The following NTRK2 variants were observed in gnomAD, a reference collection of about 807,000 sequenced individuals.
NTRK2 encodes the protein BDNF/NT-3 growth factors receptor.
NTRK2 carries 13 observed loss-of-function variants against 94.5 expected under a neutral mutation model. The ratio of observed to expected loss-of-function variants is 0.14; its 90% CI spans 0.09 to 0.22. The LOEUF is 0.22. NTRK2 is among the 10% of genes least tolerant of loss of function. NTRK2 has a pLI of 1.00. For synonymous variants in NTRK2, 372 were observed against 407.4 expected (o/e 0.91, Z 1.05); for missense variants, 639 against 1,071.2 (o/e 0.60, Z 5.63).
intron 12 of NTRK2, among the ~76,000 whole-genome samples, chr9:84,808,503 A>G (rs947524284): frequency 6.6e-6 from 1 of 152,126 alleles, no homozygotes; most frequent in Non-Finnish European, 1.5e-5. Context: ...TAATACTCAT[A>G]TTGTTTCAGT....
At chr9:84,780,735 C>G (rs576073753) in intron 12 of NTRK2, among the ~76,000 whole-genome samples, 1 of 152,304 alleles carries the variant, frequency 6.6e-6, no homozygotes, top group East Asian at 1.9e-4. Context: ...GCGAATGGTG[C>G]TAGACCTCAC....
At chr9:84,987,379 C>G (rs1828452052) in intron 17 of NTRK2, among the ~76,000 whole-genome samples, 2 of 152,104 alleles carry the variant, frequency 1.3e-5, no homozygotes, top group African/African-American at 4.8e-5. Flanking sequence ...TAGGAAAATG[C>G]AAACAGTATT....
At chr9:84,849,401 G>A (rs181715540) in intron 12 of NTRK2, among the ~76,000 whole-genome samples, 213 of 152,224 alleles carry the variant, frequency 1.4e-3, no homozygotes, top group Middle Eastern at 0.01. Flanking sequence ...GGTGGGTGGG[G>A]GAGTCCAATT....
intron 12 of NTRK2, chr9:84,811,621 G>T (rs200136880): frequency 4.7e-6 from 5 of 1,065,400 alleles, no homozygotes; most frequent in Non-Finnish European, 5.7e-6. Context: ...TTCTAAGAAG[G>T]ATAGTCCCCC....
At chr9:84,832,392 C>G (rs764409910) in intron 12 of NTRK2, among the ~76,000 whole-genome samples, 2 of 152,144 alleles carry the variant, frequency 1.3e-5, no homozygotes, top group African/African-American at 2.4e-5. Context: ...ATTAAAGAAC[C>G]AAGTGCTACA....
chr9:84,729,753 G>A (rs1235299111), intron 9 of NTRK2, among the ~76,000 whole-genome samples: 1 of 152,210 alleles, frequency 6.6e-6, no homozygotes, highest in African/African-American at 2.4e-5. Flanking sequence ...GGCAAAACTT[G>A]ATTCAGAGTG....
At chr9:84,735,237 C>T (rs2063171448) in intron 9 of NTRK2, among the ~76,000 whole-genome samples, 1 of 152,192 alleles carries the variant, frequency 6.6e-6, no homozygotes, top group African/African-American at 2.4e-5. Context: ...TTCATGCTCA[C>T]TGAGACCTTT....
chr9:84,948,693 G>A (rs2132889956), intron 16 of NTRK2, 59 bp downstream of exon 16: 1 of 1,549,648 alleles, frequency 6.5e-7, no homozygotes, highest in Non-Finnish European at 8.9e-7. Flanking sequence ...GTTCAGGAGT[G>A]GAGGGTTCAT....
chr9:84,828,573 G>A lies in NTRK2; in HGVS notation c.1397-32467G>A, dbSNP rs57893815. ...AAAGAGAACTCAGATGGCCTCATTA[G>A]TACAACAACACAACAAAGGTGAAAT... On this transcript the variant is annotated intron_variant, in intron 12 of 18. Coordinates refer to ENST00000277120, the MANE Select transcript of NTRK2 (RefSeq NM_006180.6). Among the ~76,000 whole-genome samples, 1,349 of 152,188 alleles carry A rather than the reference G, an allele frequency of 8.9e-3. 24 individuals carry two copies. The highest frequency in any genetic ancestry group is 0.03 in the African/African-American group (1,261 of 41,524).
intron 14 of NTRK2, among the ~76,000 whole-genome samples, chr9:84,899,589 A>G (rs1216448158): frequency 6.6e-6 from 1 of 152,180 alleles, no homozygotes; most frequent in Non-Finnish European, 1.5e-5. Flanking sequence ...TGAGTAACAT[A>G]TTTAAATATA....
chr9:84,748,605 A>G (rs2064301854), intron 11 of NTRK2, among the ~76,000 whole-genome samples: 1 of 152,218 alleles, frequency 6.6e-6, no homozygotes, highest in African/African-American at 2.4e-5. Context: ...AGCAGGGAAG[A>G]GACTGTACTG....
chr9:84,829,806 C>G (rs994981739), intron 12 of NTRK2, among the ~76,000 whole-genome samples: 7 of 152,104 alleles, frequency 4.6e-5, no homozygotes, highest in African/African-American at 1.7e-4. Flanking sequence ...TGCACTAAAC[C>G]CCATCTTTTT....
Position 85,021,406 on chromosome 9 carries a change from C to T in NTRK2, c.2486C>T (p.Ala829Val), listed in dbSNP as rs1381902898. ...IHTLLQNLAK[A>V]SPVYLDILG ...ACCCTCCTTCAGAACTTGGCCAAGG[C>T]ATCTCCGGTCTACCTGGACATTCTA... Residue 829 changes from alanine (A) to valine (V), a missense_variant, in exon 19 of 19, where the codon GCA becomes GTA. Ala to Val is a moderately conservative substitution (Grantham distance 64). Coordinates refer to ENST00000277120, the MANE Select transcript of NTRK2 (RefSeq NM_006180.6). 2 of 1,614,070 alleles carry T rather than the reference C, an allele frequency of 1.2e-6. No individual in the cohort carries two copies. The highest frequency in any genetic ancestry group is 1.7e-5 in the Admixed American group (1 of 60,016).
At chr9:84,784,343 C>G (rs1490781841) in intron 12 of NTRK2, among the ~76,000 whole-genome samples, 2 of 152,164 alleles carry the variant, frequency 1.3e-5, no homozygotes, top group East Asian at 3.8e-4. Context: ...TGGGAATGTT[C>G]AATATCTTCC....
intron 12 of NTRK2, among the ~76,000 whole-genome samples, chr9:84,798,875 TACTGA>T (rs1388729365): frequency 6.7e-6 from 1 of 149,246 alleles, no homozygotes; most frequent in Non-Finnish European, 1.5e-5. Flanking sequence ...AGCTGATATT[TACTGA>T]ACACCTGCTA....
intron 12 of NTRK2, among the ~76,000 whole-genome samples, chr9:84,760,565 G>A (rs1030335258): frequency 6.6e-6 from 1 of 152,136 alleles, no homozygotes; most frequent in African/African-American, 2.4e-5. Flanking sequence ...CTTCTTTTAA[G>A]CCCTTCAGCC....
At chr9:84,864,770 T>G (rs1200135133) in intron 13 of NTRK2, among the ~76,000 whole-genome samples, 2 of 131,288 alleles carry the variant, frequency 1.5e-5, no homozygotes, top group Non-Finnish European at 3.1e-5. Context: ...AAACTGAGTC[T>G]CACTCTGTCA....
intron 11 of NTRK2, among the ~76,000 whole-genome samples, chr9:84,747,912 G>A (rs2064237055): frequency 6.6e-6 from 1 of 152,160 alleles, no homozygotes; most frequent in African/African-American, 2.4e-5. Flanking sequence ...CCTAAAATCT[G>A]TATGAGAGGT....
rs74862322 is a variant in NTRK2 at position 84,875,232 on chromosome 9, T to C, written c.1633+7801T>C. 1,376 of 1,058,664 alleles carry C rather than the reference T, an allele frequency of 1.3e-3. 31 individuals carry two copies. In the Admixed American group the frequency reaches 0.04, roughly 31 times the overall value. The allele number at this position is 1,058,664 out of a possible 1,614,324, so 65.6% of individuals were successfully genotyped here. A position where few individuals can be genotyped will look rare whatever the true frequency, so the allele number is the denominator to read the frequency against. ...ATGGCTCACTTTGGGGAGATTGTGC[T>C]GCACAGTGTGTAGGAAGCACATTGG... On this transcript the variant is annotated intron_variant, in intron 14 of 18. Transcript: ENST00000277120.
Sources: allele counts gnomAD v4.1 joint callset (sites outside exome capture counted in the v4.1 genomes callset), GRCh38; gene constraint gnomAD v4.1.1; transcripts MANE v1.5; gene names NCBI Gene and HGNC (gene_info 2026-07-23, HGNC 2026-07-21).